The following NRDE2 variants were observed in gnomAD, a reference collection of about 807,000 sequenced individuals.
NRDE2 encodes nuclear exosome regulator NRDE2.
A neutral mutation model predicts 124.2 loss-of-function variants in NRDE2; 76 were observed. The ratio of observed to expected loss-of-function variants is 0.61; its 90% confidence interval spans 0.51 to 0.74. NRDE2 has a LOEUF of 0.74. NRDE2 is among the 30% of genes least tolerant of loss of function. NRDE2 has a pLI of 0.00. For missense variants in NRDE2, 1,314 were observed against 1,417.3 expected (o/e 0.93, Z 1.17); for synonymous variants, 489 against 528.1 (o/e 0.93, Z 1.01).
In NRDE2 at chr14:90,275,477, C is replaced by T. The variant is rs1891784614; in HGVS notation, c.*2859G>A. On this transcript the variant is annotated 3_prime_UTR_variant, in exon 14 of 14. Transcript: ENST00000354366. The stretch of plus-strand genomic sequence containing the variant: ...TCATTGGTAATAGCTGAGCGTTTTC[C>T]TCTAGAGGGACAGTCTCCCTCATGT... 1.3e-5 allele frequency: 2 copies of T among 152,260 alleles called. No homozygotes were observed. The highest frequency in any genetic ancestry group is 4.1e-4 in the South Asian group (2 of 4,830). 9.4% of individuals were successfully genotyped at this position (152,260 alleles called of 1,614,324 possible). A position where few individuals can be genotyped will look rare whatever the true frequency, so the allele number is the denominator to read the frequency against.
chr14:90,319,174 G>A lies in NRDE2; in HGVS notation c.65-1061C>T, dbSNP rs1316312299. Among the ~76,000 whole-genome samples the A allele has an allele frequency of 5.3e-5, 8 of 152,242 alleles. No homozygotes were observed. The East Asian group carries it at 1.5e-3, about 29-fold the overall frequency. ...AAGGGAAGAAAAAAAACATGGGATGGCAGCAGCAAGGGAGCCCACGGGGGG... is the reference window on the plus strand; with the variant it reads ...AAGGGAAGAAAAAAAACATGGGATGACAGCAGCAAGGGAGCCCACGGGGGG... On this transcript the variant is annotated intron_variant, in intron 1 of 13. Transcript: ENST00000354366.
At chr14:90,285,116 T>A (rs1892063862) in intron 12 of NRDE2, among the ~76,000 whole-genome samples, 1 of 151,518 alleles carries the variant, frequency 6.6e-6, no homozygotes, top group Non-Finnish European at 1.5e-5. Flanking sequence ...CTATTTCTAC[T>A]AAAAATGCAA....
chr14:90,303,882 C>G lies in NRDE2; in HGVS notation c.1005+53G>C, dbSNP rs372676606. 6.1e-5 allele frequency: 93 copies of G among 1,512,452 alleles called. 1 individual carries two copies. The highest frequency in any genetic ancestry group is 6.1e-4 in the South Asian group (48 of 78,374). The allele number at this position is 1,512,452 out of a possible 1,614,324, so 93.7% of individuals were successfully genotyped here. A position where few individuals can be genotyped will look rare whatever the true frequency, so the allele number is the denominator to read the frequency against. On this transcript the variant is annotated intron_variant, in intron 5 of 13. Transcript: ENST00000354366. ...ATTGCTGCACAGTCCATCAGTTTGC[C>G]CAAAATCAGGAATGTCCTTCTAAGG...
intron 4 of NRDE2, among the ~76,000 whole-genome samples, chr14:90,309,595 A>G (rs879365754): frequency 1.3e-5 from 2 of 151,926 alleles, no homozygotes; most frequent in Admixed American, 1.3e-4. Flanking sequence ...AAACACACAG[A>G]CTCCATCTGG....
In NRDE2 at chr14:90,322,869, C is replaced by T. The variant is rs58937717; in HGVS notation, c.65-4756G>A. Among the ~76,000 whole-genome samples, 1,087 of 152,294 alleles carry T rather than the reference C, an allele frequency of 7.1e-3. 11 individuals carry two copies. The highest frequency in any genetic ancestry group is 0.025 in the African/African-American group (1,044 of 41,564). ...AACAGTTACATCCTCACATAATTTA[C>T]ATACTTGATAGATATAAAATGTGTA... On this transcript the variant is annotated intron_variant, in intron 1 of 13. Transcript: ENST00000354366.
At chr14:90,310,398 A>G (rs1939119841) in intron 4 of NRDE2, among the ~76,000 whole-genome samples, 1 of 152,200 alleles carries the variant, frequency 6.6e-6, no homozygotes, top group African/African-American at 2.4e-5. Flanking sequence ...TTGTAAAATG[A>G]AGAGGGTTCT....
Position 90,292,743 on chromosome 14 carries a change from T to A in NRDE2, c.1796A>T (p.Lys599Met), listed in dbSNP as rs775274017. ...QRHWRPWRPD[K>M]TKKQTEEDCE... ...GTCTTCCTCGGTTTGCTTCTTGGTC[T>A]TATCAGGGCGCCAGGGCCGCCAGTG... is the stretch of plus-strand genomic sequence containing the variant. Residue 599 changes from lysine to methionine, a missense_variant, in exon 9 of 14, where the codon AAG (lysine) becomes ATG (methionine). Transcript: ENST00000354366. 2 of 1,614,184 alleles carry A rather than the reference T, an allele frequency of 1.2e-6. No homozygotes were observed. The highest frequency in any genetic ancestry group is 2.2e-5 in the South Asian group (2 of 91,080).
In NRDE2 at chr14:90,288,761, A is replaced by G. The variant is rs1265313845; in HGVS notation, c.2614T>C (p.Leu872=). Residue 872 remains leucine, a synonymous_variant, in exon 11 of 14, where the codon TTG becomes CTG. Coordinates refer to ENST00000354366, the MANE Select transcript of NRDE2 (RefSeq NM_017970.4). ...TGCTCATAAGCCTTTCGCGCTTTCAAAATGTGAACAGCCAACACCTGTCCA... is the reference window on the plus strand; with the variant it reads ...TGCTCATAAGCCTTTCGCGCTTTCAGAATGTGAACAGCCAACACCTGTCCA... ...YTGQVLAVHI[L]KARKAYEHAL... The G allele has an allele frequency of 2.5e-6, 4 of 1,613,978 alleles. No homozygotes were observed. Among genetic ancestry groups the G allele is most frequent in the African/African-American group, 1.3e-5 (1 of 74,936 alleles).
At chr14:90,297,539 G>A (rs993005117) in intron 8 of NRDE2, among the ~76,000 whole-genome samples, 1 of 152,080 alleles carries the variant, frequency 6.6e-6, no homozygotes, top group Non-Finnish European at 1.5e-5. Flanking sequence ...GTAAATGCTA[G>A]GTAATAATTA....
Position 90,277,065 on chromosome 14 carries a change from A to T in NRDE2, c.*1271T>A, listed in dbSNP as rs1891820388. 1 of 152,214 alleles carries T rather than the reference A, an allele frequency of 6.6e-6. No homozygotes were observed. The highest frequency in any genetic ancestry group is 1.5e-5 in the Non-Finnish European group (1 of 68,074). 9.4% of individuals were successfully genotyped at this position (152,214 alleles called of 1,614,324 possible). ...TTGAGGGTTGTTTCTGTGAAAAGGC[A>T]TCAAGGGGAGCAGCTGACGACCTGT... On this transcript the variant is annotated 3_prime_UTR_variant, in exon 14 of 14. Coordinates refer to ENST00000354366, the MANE Select transcript of NRDE2 (RefSeq NM_017970.4).
chr14:90,317,821 CT>C (rs1885099528), intron 2 of NRDE2, 183 bp downstream of exon 2: 2 of 519,892 alleles, frequency 3.8e-6, no homozygotes, highest in Non-Finnish European at 6.7e-6. Context: ...GTACTTGCCA[CT>C]GCAAAGCAAA....
chr14:90,284,391 C>T (rs576169723), intron 12 of NRDE2, among the ~76,000 whole-genome samples: 1 of 150,438 alleles, frequency 6.6e-6, no homozygotes, highest in Non-Finnish European at 1.5e-5. Context: ...CTCTGTTAAC[C>T]AGGCAGGAGT....
intron 12 of NRDE2, among the ~76,000 whole-genome samples, chr14:90,283,981 G>A (rs1425650553): frequency 6.6e-6 from 1 of 152,146 alleles, no homozygotes; most frequent in East Asian, 1.9e-4. Context: ...AAAGTGCTGG[G>A]ATTACAGGCA....
At chr14:90,308,051 A>G (rs1884681700) in intron 4 of NRDE2, among the ~76,000 whole-genome samples, 1 of 152,130 alleles carries the variant, frequency 6.6e-6, no homozygotes, top group Non-Finnish European at 1.5e-5. Context: ...CTTGGCCAAA[A>G]ATGTTTACAT....
At position 90,317,869 on chromosome 14, in the gene NRDE2, T is replaced by C. The variant is rs1885102476; in HGVS notation, c.173+136A>G. On this transcript the variant is annotated intron_variant, in intron 2 of 13. Transcript: ENST00000354366. The stretch of plus-strand genomic sequence containing the variant: ...GAATACAAGAGGTAAGGGAAAATAG[T>C]CAAAGATCACCTTATTACTTTAAGT... 3 of 585,120 alleles carry C rather than the reference T, an allele frequency of 5.1e-6. 1 individual carries two copies. The South Asian group carries it at 7.9e-5, about 15-fold the overall frequency. The allele number at this position is 585,120 out of a possible 1,614,324, so 36.2% of individuals were successfully genotyped here. A position where few individuals can be genotyped will look rare whatever the true frequency, so the allele number is the denominator to read the frequency against.
chr14:90,268,366 A>C lies in NRDE2; in HGVS notation c.*9970T>G, dbSNP rs1439444934. On this transcript the variant is annotated 3_prime_UTR_variant, in exon 14 of 14. Transcript: ENST00000354366. ...TGTTCCGAGTTGCTGAAGAACATGCACCGTCCATCGTGTTTATTGATGAAA... is the reference window on the plus strand; with the variant it reads ...TGTTCCGAGTTGCTGAAGAACATGCCCCGTCCATCGTGTTTATTGATGAAA... 2 of 1,613,504 alleles carry C rather than the reference A, an allele frequency of 1.2e-6. No individual in the cohort carries two copies. The highest frequency in any genetic ancestry group is 3.3e-5 in the Admixed American group (2 of 59,888).
chr14:90,305,700 C>T (rs1186084901), intron 4 of NRDE2, among the ~76,000 whole-genome samples: 1 of 152,182 alleles, frequency 6.6e-6, no homozygotes, highest in African/African-American at 2.4e-5. Flanking sequence ...TATAATTCCA[C>T]TTACATGCAT....
intron 4 of NRDE2, among the ~76,000 whole-genome samples, chr14:90,310,518 G>T (rs1249537017): frequency 8.4e-6 from 1 of 119,190 alleles, no homozygotes; most frequent in East Asian, 2.8e-4. Flanking sequence ...TTTGTTGACT[G>T]CCCTTTTTTT....
chr14:90,309,347 C>T (rs1884738258), intron 4 of NRDE2, among the ~76,000 whole-genome samples: 1 of 151,690 alleles, frequency 6.6e-6, no homozygotes, highest in Non-Finnish European at 1.5e-5. Flanking sequence ...GTAGCACTCG[C>T]CTGTAGTCCC....
Sources: gnomAD v4.1 joint callset for allele counts (sites outside exome capture counted in the v4.1 genomes callset) on GRCh38, gnomAD v4.1.1 for gene constraint, MANE v1.5 for transcripts, NCBI Gene and HGNC (gene_info 2026-07-23, HGNC 2026-07-21) for gene names.